PTPRK: variants seen among roughly 807,000 people sequenced by gnomAD.
PTPRK encodes receptor-type tyrosine-protein phosphatase kappa.
In PTPRK, 75 loss-of-function variants were observed where a neutral mutation model predicts 178.0. That is an observed-to-expected ratio of 0.42 (90% confidence interval 0.35 to 0.51). The LOEUF (loss-of-function observed/expected upper bound fraction) is 0.51. Ranked by LOEUF, PTPRK falls within the 20% of genes least tolerant of loss-of-function variation. PTPRK has a pLI of 0.02. For synonymous variants in PTPRK, 637 were observed against 620.6 expected (o/e 1.03, Z -0.39); for missense variants, 1,441 against 1,797.8 (o/e 0.80, Z 3.59).
chr6:128,431,283 TG>T (rs1309415760), intron 1 of PTPRK, among the ~76,000 whole-genome samples: 11 of 152,176 alleles, frequency 7.2e-5, no homozygotes. Flanking sequence ...TGTATTGTGT[TG>T]GGAATGTTTT....
At chr6:128,095,680 G>T (rs1787795842) in intron 7 of PTPRK, among the ~76,000 whole-genome samples, 1 of 152,146 alleles carries the variant, frequency 6.6e-6, no homozygotes, top group Non-Finnish European at 1.5e-5. Flanking sequence ...TCATATACTT[G>T]AAGAACAAAG....
intron 3 of PTPRK, among the ~76,000 whole-genome samples, chr6:128,270,425 T>G (rs1324589790): frequency 6.6e-6 from 1 of 152,128 alleles, no homozygotes; most frequent in East Asian, 1.9e-4. Context: ...AAAATTTAAC[T>G]GAGTTCTACT....
At chr6:128,029,479 G>A (rs572901954) in intron 13 of PTPRK, among the ~76,000 whole-genome samples, 9 of 151,610 alleles carry the variant, frequency 5.9e-5, no homozygotes, top group East Asian at 3.9e-4. Context: ...GGTGAAACCC[G>A]ATCACTACTA....
chr6:127,992,820 A>C, intron 18 of PTPRK, 111 bp from the exon 19 acceptor site: 1 of 883,152 alleles, frequency 1.1e-6, no homozygotes, highest in Non-Finnish European at 1.7e-6. Flanking sequence ...TATAATAAAA[A>C]GTCCAGAAAT....
At chr6:128,243,685 C>A (rs778592321) in intron 3 of PTPRK, among the ~76,000 whole-genome samples, 5 of 151,216 alleles carry the variant, frequency 3.3e-5, no homozygotes, top group Admixed American at 1.3e-4. Flanking sequence ...CAGAGCAAGA[C>A]CCTGACTCTA....
intron 13 of PTPRK, among the ~76,000 whole-genome samples, chr6:128,033,271 A>T (rs1160643258): frequency 2.0e-5 from 3 of 152,208 alleles, no homozygotes; most frequent in Non-Finnish European, 4.4e-5. Context: ...ATTGGAGAAT[A>T]TCAGGAGATA....
chr6:128,501,658 G>A (rs749345706), intron 1 of PTPRK, among the ~76,000 whole-genome samples: 1 of 152,110 alleles, frequency 6.6e-6, no homozygotes, highest in South Asian at 2.1e-4. Flanking sequence ...AATATTATAA[G>A]AGCATATGTT....
intron 1 of PTPRK, among the ~76,000 whole-genome samples, chr6:128,511,253 G>A (rs886383366): frequency 1.3e-5 from 2 of 152,072 alleles, no homozygotes; most frequent in Non-Finnish European, 2.9e-5. Context: ...ATCACCTAGT[G>A]GTCCACAACA....
chr6:128,190,633 G>T lies in PTPRK; in HGVS notation c.869-5908C>A, dbSNP rs556107153. On this transcript the variant is annotated intron_variant, in intron 6 of 29. Transcript: ENST00000368226. The stretch of plus-strand genomic sequence containing the variant: ...CCTGCCTCTGCCTCCCAAGTAGCTG[G>T]GATTACAGATACTTGCCACCACGCC... 3.0e-4 allele frequency among the ~76,000 whole-genome samples: 46 copies of T among 151,110 alleles called. No homozygotes were observed. The South Asian group carries it at 5.3e-3, about 17-fold the overall frequency.
intron 4 of PTPRK, among the ~76,000 whole-genome samples, chr6:128,242,248 T>C (rs1220807411): frequency 6.6e-6 from 1 of 152,176 alleles, no homozygotes; most frequent in Non-Finnish European, 1.5e-5. Context: ...CAAGTCCTAC[T>C]AACAGCTGCC....
intron 13 of PTPRK, among the ~76,000 whole-genome samples, chr6:128,047,462 T>C (rs1778254238): frequency 1.3e-5 from 2 of 152,186 alleles, no homozygotes; most frequent in Admixed American, 6.5e-5. Context: ...CATGTATACC[T>C]TAGCTTTTGG....
chr6:128,078,746 T>A, intron 11 of PTPRK, 67 bp downstream of exon 11: 1 of 1,163,878 alleles, frequency 8.6e-7, no homozygotes, highest in South Asian at 1.3e-5. Context: ...GTTTTAGGCA[T>A]ACTTGGGCAT....
chr6:128,201,750 A>T (rs1430971732), intron 6 of PTPRK, among the ~76,000 whole-genome samples: 3 of 152,044 alleles, frequency 2.0e-5, no homozygotes, highest in East Asian at 3.8e-4. Context: ...AATATTAAAT[A>T]AAATGGTAGG....
chr6:128,020,923 T>C (rs1773409372), intron 13 of PTPRK, among the ~76,000 whole-genome samples: 1 of 152,290 alleles, frequency 6.6e-6, no homozygotes, highest in African/African-American at 2.4e-5. Context: ...TTAAATCACG[T>C]TAATAGAGGT....
At chr6:128,503,922 C>T (rs189517863) in intron 1 of PTPRK, among the ~76,000 whole-genome samples, 279 of 150,478 alleles carry the variant, frequency 1.9e-3, no homozygotes, top group African/African-American at 6.8e-3. Flanking sequence ...ACCAGACTAA[C>T]TTTATTAGGG....
intron 7 of PTPRK, among the ~76,000 whole-genome samples, chr6:128,151,071 C>T (rs374865662): frequency 2.0e-5 from 3 of 152,042 alleles, no homozygotes; most frequent in East Asian, 1.9e-4. Flanking sequence ...ATTGATATTT[C>T]AGGCTGTGAA....
intron 2 of PTPRK, among the ~76,000 whole-genome samples, chr6:128,326,873 A>C (rs964557461): frequency 1.1e-4 from 17 of 152,164 alleles, no homozygotes; most frequent in African/African-American, 4.1e-4. Flanking sequence ...ACTATCTTAC[A>C]AGAGGAAAAT....
chr6:128,326,532 ATAT>A (rs1399786241), intron 2 of PTPRK, among the ~76,000 whole-genome samples: 12 of 152,210 alleles, frequency 7.9e-5, no homozygotes, highest in Non-Finnish European at 1.6e-4. Flanking sequence ...ATTAAGAATA[ATAT>A]TATTTTAAAA....
intron 1 of PTPRK, among the ~76,000 whole-genome samples, chr6:128,480,761 T>C (rs1413132809): frequency 1.3e-5 from 2 of 152,194 alleles, no homozygotes; most frequent in Non-Finnish European, 2.9e-5. Flanking sequence ...GGTTCATGAC[T>C]TCCAGTCCAG....
Sources: allele counts gnomAD v4.1 joint callset (sites outside exome capture counted in the v4.1 genomes callset), GRCh38; gene constraint gnomAD v4.1.1; transcripts MANE v1.5; gene names NCBI Gene and HGNC (gene_info 2026-07-23, HGNC 2026-07-21).